ZSCAN25: variants seen among roughly 807,000 people sequenced by gnomAD.
The protein encoded by ZSCAN25 is zinc finger and SCAN domain containing 25.
In ZSCAN25, 27 loss-of-function variants were observed where a neutral mutation model predicts 38.7. The ratio of observed to expected loss-of-function variants is 0.70; its 90% CI spans 0.51 to 0.96. The LOEUF (loss-of-function observed/expected upper bound fraction) is 0.96. Ranked by LOEUF, ZSCAN25 falls within the 40% of genes least tolerant of loss-of-function variation. The probability of loss-of-function intolerance (pLI) is 0.00; values close to 1 mark genes in which losing one functional copy is unlikely to be tolerated. For missense variants in ZSCAN25, 637 were observed against 705.9 expected (o/e 0.90, Z 1.11); for synonymous variants, 273 against 277.7 (o/e 0.98, Z 0.17).
intron 7 of ZSCAN25, among the ~76,000 whole-genome samples, chr7:99,627,431 C>T (rs73148837): frequency 0.066 from 10,063 of 152,176 alleles, 434 homozygotes; most frequent in Middle Eastern, 0.11. Context: ...CTATCTGTAT[C>T]TGTATATCTA....
chr7:99,698,455 G>T, the ZSCAN25 span, among the ~76,000 whole-genome samples: 1 of 152,130 alleles, frequency 6.6e-6, no homozygotes, highest in Non-Finnish European at 1.5e-5. Flanking sequence ...CGGATCCTAC[G>T]TGGATGCCTT....
the ZSCAN25 span, chr7:99,717,433 A>C: frequency 6.3e-7 from 1 of 1,584,374 alleles, no homozygotes; most frequent in Non-Finnish European, 8.6e-7. Flanking sequence ...TCAGCAGACT[A>C]CTCCTCGGAA....
chr7:99,620,450 T>G (rs1393459027), intron 4 of ZSCAN25: 1 of 161,666 alleles, frequency 6.2e-6, no homozygotes, highest in Admixed American at 5.8e-5. Context: ...GCTGCTCTAA[T>G]GACACCAAGT....
chr7:99,625,320 C>G (rs1414263991), intron 7 of ZSCAN25, among the ~76,000 whole-genome samples: 1 of 152,210 alleles, frequency 6.6e-6, no homozygotes, highest in African/African-American at 2.4e-5. Context: ...TAGGAGCCCT[C>G]AGCCTTCACT....
the ZSCAN25 span, among the ~76,000 whole-genome samples, chr7:99,704,140 T>C: frequency 6.6e-6 from 1 of 152,216 alleles, no homozygotes; most frequent in Admixed American, 6.5e-5. Flanking sequence ...ATTTAGACAG[T>C]TGGGAGTTGA....
downstream of ZSCAN25, among the ~76,000 whole-genome samples, chr7:99,632,989 G>GTTGTTGTTTTTTTTTTTTTTTTTTTTTT (rs1554412109): frequency 1.6e-5 from 2 of 128,560 alleles, no homozygotes; most frequent in African/African-American, 6.0e-5. Flanking sequence ...ATTTTCTGTT[G>GTTGTTGTTTTTTTTTTTTTTTTTTTTTT]TTTTTTTTTT....
the ZSCAN25 span, chr7:99,676,478 A>C: frequency 7.1e-7 from 1 of 1,410,184 alleles, no homozygotes; most frequent in Non-Finnish European, 9.4e-7. Context: ...AATGTCCTCA[A>C]ATGCTCCTGA....
chr7:99,674,246 A>G, the ZSCAN25 span: 1 of 282,346 alleles, frequency 3.5e-6, no homozygotes, highest in Non-Finnish European at 6.5e-6. Context: ...TTTGTAGCTA[A>G]CAATAATTAT....
At chr7:99,714,456 C>T in the ZSCAN25 span, 1 of 1,547,356 alleles carries the variant, frequency 6.5e-7, no homozygotes, top group African/African-American at 1.4e-5. Context: ...ATGTTAAAAT[C>T]TTTCTCTAAA....
intron 3 of ZSCAN25, among the ~76,000 whole-genome samples, 167 bp downstream of exon 3, chr7:99,619,299 T>G (rs1806725039): frequency 6.6e-6 from 1 of 152,224 alleles, no homozygotes; most frequent in Non-Finnish European, 1.5e-5. Context: ...ATTCTCTGAT[T>G]GTAGTGTTAT....
chr7:99,677,880 A>T, the ZSCAN25 span, among the ~76,000 whole-genome samples: 1 of 152,176 alleles, frequency 6.6e-6, no homozygotes, highest in Admixed American at 6.5e-5. Context: ...TTAATGTGTC[A>T]GCAGCATTGG....
At chr7:99,707,930 G>T in the ZSCAN25 span, 1 of 1,614,018 alleles carries the variant, frequency 6.2e-7, no homozygotes, top group Non-Finnish European at 8.5e-7. Flanking sequence ...TCCAAAGGGT[G>T]TGTATATGTA....
chr7:99,646,547 G>A, the ZSCAN25 span, among the ~76,000 whole-genome samples: 2 of 152,122 alleles, frequency 1.3e-5, no homozygotes, highest in Admixed American at 1.3e-4. Context: ...ATATCATTTA[G>A]AAATCATTTC....
the ZSCAN25 span, among the ~76,000 whole-genome samples, chr7:99,736,102 G>A: frequency 2.0e-5 from 3 of 152,202 alleles, no homozygotes; most frequent in East Asian, 3.8e-4. Flanking sequence ...ATCAATTTGT[G>A]CTTCTTCCTC....
downstream of ZSCAN25, among the ~76,000 whole-genome samples, chr7:99,637,060 CAT>C (rs1417846091): frequency 3.9e-5 from 6 of 152,174 alleles, no homozygotes; most frequent in African/African-American, 7.2e-5. Context: ...TTTTATAAAA[CAT>C]ATTTTTCAGT....
the ZSCAN25 span, among the ~76,000 whole-genome samples, chr7:99,681,509 G>C: frequency 6.6e-6 from 1 of 152,158 alleles, no homozygotes; most frequent in Admixed American, 6.5e-5. Context: ...ATTTTAGCTG[G>C]GGTAAGATGA....
intron 1 of ZSCAN25, among the ~76,000 whole-genome samples, chr7:99,617,831 T>TA (rs1806602413): frequency 6.6e-6 from 1 of 152,160 alleles, no homozygotes. Context: ...AGATAAAAGA[T>TA]GAATGAGGAT....
the ZSCAN25 span, chr7:99,666,450 C>T: frequency 2.5e-6 from 2 of 787,316 alleles, no homozygotes; most frequent in Non-Finnish European, 4.2e-6. Flanking sequence ...TCATGGGAGC[C>T]ACTCCCTCTT....
At chr7:99,678,778 A>G in the ZSCAN25 span, among the ~76,000 whole-genome samples, 1 of 152,234 alleles carries the variant, frequency 6.6e-6, no homozygotes, top group Non-Finnish European at 1.5e-5. Context: ...TCTGTGAAAG[A>G]ATTAAAATGA....
Sources: allele counts gnomAD v4.1 joint callset (sites outside exome capture counted in the v4.1 genomes callset), GRCh38; gene constraint gnomAD v4.1.1; transcripts MANE v1.5; gene names NCBI Gene and HGNC (gene_info 2026-07-23, HGNC 2026-07-21).